Variants in SGCD observed in about 807,000 individuals in gnomAD.
The protein encoded by SGCD is delta-sarcoglycan.
A neutral mutation model predicts 36.6 loss-of-function variants in SGCD; 18 were observed. The observed-to-expected ratio is 0.49, with a 90% CI of 0.34 to 0.73. The LOEUF is 0.73. Among genes scored for constraint, SGCD ranks in the 30% least tolerant of loss-of-function variants. SGCD has a pLI of 0.01. For missense variants in SGCD, 387 were observed against 346.7 expected (o/e 1.12, Z -0.92); for synonymous variants, 133 against 130.6 (o/e 1.02, Z -0.12).
chr5:156,068,276 C>T (rs910694755), intron 1 of SGCD, among the ~76,000 whole-genome samples: 1 of 151,522 alleles, frequency 6.6e-6, no homozygotes, highest in African/African-American at 2.4e-5. Context: ...TCCCCCCTTT[C>T]CCCACCCCAC....
intron 3 of SGCD, among the ~76,000 whole-genome samples, chr5:156,450,761 TAAG>T (rs1471644082): frequency 2.0e-5 from 3 of 151,940 alleles, no homozygotes; most frequent in East Asian, 1.9e-4. Flanking sequence ...GAAAACTAAT[TAAG>T]AGGAGGTAGC....
At chr5:156,736,273 T>C (rs1756360478) in intron 7 of SGCD, among the ~76,000 whole-genome samples, 1 of 152,244 alleles carries the variant, frequency 6.6e-6, no homozygotes, top group Admixed American at 6.5e-5. Flanking sequence ...GTTTACTTAC[T>C]CTGCTTTATT....
At chr5:156,110,206 A>C (rs1761750192) in intron 1 of SGCD, among the ~76,000 whole-genome samples, 1 of 152,154 alleles carries the variant, frequency 6.6e-6, no homozygotes, top group Admixed American at 6.5e-5. Flanking sequence ...TGTTTCTCCC[A>C]TGTGTGAGGT....
intron 1 of SGCD, among the ~76,000 whole-genome samples, chr5:155,914,480 T>G (rs1756696685): frequency 6.6e-6 from 1 of 152,124 alleles, no homozygotes; most frequent in African/African-American, 2.4e-5. Context: ...GTACTAGAAG[T>G]GTAATAAGGT....
intron 3 of SGCD, among the ~76,000 whole-genome samples, chr5:156,280,234 T>C (rs1766418078): frequency 6.6e-6 from 1 of 152,222 alleles, no homozygotes; most frequent in African/African-American, 2.4e-5. Flanking sequence ...CTTCTTATAA[T>C]GCTGAGAATT....
At chr5:156,515,467 C>A (rs1325168665) in intron 4 of SGCD, among the ~76,000 whole-genome samples, 1 of 152,102 alleles carries the variant, frequency 6.6e-6, no homozygotes, top group Non-Finnish European at 1.5e-5. Context: ...GGTTCTCTCA[C>A]TGGGACTGAT....
At chr5:155,779,303 T>C in the SGCD span, among the ~76,000 whole-genome samples, 1 of 152,078 alleles carries the variant, frequency 6.6e-6, no homozygotes, top group African/African-American at 2.4e-5. Flanking sequence ...CCATGTGTGA[T>C]GGTGCATTCC....
chr5:156,611,200 A>G (rs1425203604), intron 6 of SGCD, among the ~76,000 whole-genome samples: 1 of 152,076 alleles, frequency 6.6e-6, no homozygotes, highest in Non-Finnish European at 1.5e-5. Context: ...TCGATTATGA[A>G]TTTACTTCTA....
At chr5:156,467,235 G>A (rs1054164617) in intron 3 of SGCD, among the ~76,000 whole-genome samples, 5 of 152,128 alleles carry the variant, frequency 3.3e-5, no homozygotes, top group African/African-American at 1.2e-4. Context: ...GTTTTTGGTA[G>A]TATTGAAAAG....
chr5:155,797,026 G>T, the SGCD span, among the ~76,000 whole-genome samples: 1 of 151,782 alleles, frequency 6.6e-6, no homozygotes, highest in Non-Finnish European at 1.5e-5. Flanking sequence ...ACTAATCAAG[G>T]AAGAAAACAC....
intron 3 of SGCD, among the ~76,000 whole-genome samples, chr5:156,153,633 T>A (rs552101799): frequency 9.9e-5 from 15 of 151,758 alleles, no homozygotes; most frequent in African/African-American, 3.7e-4. Context: ...TAAGAAGAAT[T>A]TAATTATGCC....
intron 3 of SGCD, among the ~76,000 whole-genome samples, chr5:156,125,946 C>T (rs1266224219): frequency 6.6e-6 from 1 of 150,848 alleles, no homozygotes; most frequent in East Asian, 1.9e-4. Flanking sequence ...GGCACAGTCT[C>T]GGCTCACTGC....
chr5:156,403,832 TA>T, intron 3 of SGCD, among the ~76,000 whole-genome samples: 1 of 117,774 alleles, frequency 8.5e-6, no homozygotes, highest in South Asian at 2.9e-4. Flanking sequence ...TTCCCTGACA[TA>T]TTTTTTTTTC....
intron 1 of SGCD, among the ~76,000 whole-genome samples, chr5:156,036,105 G>T (rs1370619741): frequency 6.6e-6 from 1 of 152,266 alleles, no homozygotes; most frequent in Middle Eastern, 3.4e-3. Flanking sequence ...TAAATAAGCT[G>T]TTATAATTTA....
At chr5:156,423,023 A>G (rs960032890) in intron 3 of SGCD, among the ~76,000 whole-genome samples, 3 of 150,522 alleles carry the variant, frequency 2.0e-5, no homozygotes, top group African/African-American at 7.4e-5. Context: ...AAATGATTTG[A>G]TTTACTCAGA....
intron 7 of SGCD, among the ~76,000 whole-genome samples, chr5:156,649,153 AC>A (rs1763352882): frequency 6.6e-6 from 1 of 152,194 alleles, no homozygotes; most frequent in African/African-American, 2.4e-5. Context: ...AATCAAAACC[AC>A]AATGAGATAC....
At chr5:156,124,688 C>T (rs571698713) in intron 3 of SGCD, among the ~76,000 whole-genome samples, 58 of 151,462 alleles carry the variant, frequency 3.8e-4, no homozygotes, top group African/African-American at 1.3e-3. Context: ...TATCTCTGTG[C>T]GTGTGTATGT....
chr5:156,630,823 C>T (rs1171598142), intron 6 of SGCD, among the ~76,000 whole-genome samples: 3 of 151,964 alleles, frequency 2.0e-5, no homozygotes, highest in African/African-American at 2.4e-5. Flanking sequence ...TGGCTCTGGA[C>T]GAATTGGGAG....
intron 7 of SGCD, among the ~76,000 whole-genome samples, chr5:156,691,322 A>T (rs868800466): frequency 6.6e-6 from 1 of 152,116 alleles, no homozygotes; most frequent in Non-Finnish European, 1.5e-5. Flanking sequence ...ATAAAAATTC[A>T]GTTCCTCAGG....
Sources: gnomAD v4.1 joint callset for allele counts (sites outside exome capture counted in the v4.1 genomes callset) on GRCh38, gnomAD v4.1.1 for gene constraint, MANE v1.5 for transcripts, NCBI Gene and HGNC (gene_info 2026-07-23, HGNC 2026-07-21) for gene names.